The following RUNX2 variants were observed in gnomAD, a reference collection of about 807,000 sequenced individuals.
The protein encoded by RUNX2 is runt-related transcription factor 2.
RUNX2 carries 10 observed loss-of-function variants against 51.7 expected under a neutral mutation model. The ratio of observed to expected loss-of-function variants is 0.19; its 90% CI spans 0.12 to 0.33. The LOEUF is 0.33. RUNX2 is among the 10% of genes least tolerant of loss of function. RUNX2 has a pLI of 1.00. For missense variants in RUNX2, 562 were observed against 691.3 expected, an observed-to-expected ratio of 0.81 and a Z score of 2.10; for synonymous variants, 276 against 273.6, an observed-to-expected ratio of 1.01 and a Z score of -0.09.
At position 45,545,120 on chromosome 6, in the gene RUNX2, C is replaced by A. The variant is rs1802357340; in HGVS notation, c.1022-97C>A. 21 of 984,508 alleles carry A rather than the reference C, an allele frequency of 2.1e-5. 1 individual carries two copies. In the East Asian group the frequency reaches 5.5e-4, roughly 26 times the overall value. 61.0% of individuals were successfully genotyped at this position (984,508 alleles called of 1,614,324 possible). A position where few individuals can be genotyped will look rare whatever the true frequency, so the allele number is the denominator to read the frequency against. The stretch of plus-strand genomic sequence containing the variant: ...GATGGGAACCTCTCTGTCTACCCCT[C>A]CCCTAAGGCTGTTGCTTCTCCTTCT... On this transcript the variant is annotated intron_variant, in intron 7 of 8. Coordinates refer to ENST00000647337, the MANE Select transcript of RUNX2 (RefSeq NM_001024630.4).
At chr6:45,372,491 A>G (rs909777573) in intron 2 of RUNX2, among the ~76,000 whole-genome samples, 1 of 152,216 alleles carries the variant, frequency 6.6e-6, no homozygotes, top group African/African-American at 2.4e-5. Context: ...CAGTCATAAA[A>G]CCACTATAGC....
At chr6:45,470,817 C>T (rs1388970021) in intron 5 of RUNX2, among the ~76,000 whole-genome samples, 2 of 152,164 alleles carry the variant, frequency 1.3e-5, no homozygotes, top group East Asian at 3.9e-4. Flanking sequence ...ACTCTTGTAG[C>T]TCTTATACTT....
intron 5 of RUNX2, among the ~76,000 whole-genome samples, chr6:45,491,311 A>G (rs1365561972): frequency 1.3e-5 from 2 of 152,230 alleles, no homozygotes; most frequent in Non-Finnish European, 2.9e-5. Context: ...GCTTTGGCAT[A>G]TCACAAAATA....
chr6:45,543,696 T>C (rs1582228435), intron 7 of RUNX2, among the ~76,000 whole-genome samples: 1 of 152,120 alleles, frequency 6.6e-6, no homozygotes, highest in Non-Finnish European at 1.5e-5. Context: ...TACAATGTGG[T>C]TGGTGACACA....
intron 2 of RUNX2, among the ~76,000 whole-genome samples, chr6:45,395,744 T>G (rs781469440): frequency 5.3e-5 from 8 of 152,220 alleles, no homozygotes; most frequent in Non-Finnish European, 1.2e-4. Context: ...CTTGGCTCAC[T>G]GCAACCTCCA....
chr6:45,383,226 G>A (rs77189473), intron 2 of RUNX2, among the ~76,000 whole-genome samples: 1 of 152,144 alleles, frequency 6.6e-6, no homozygotes, highest in African/African-American at 2.4e-5. Flanking sequence ...TTTGAGGCCG[G>A]TTCAAGACCA....
intron 7 of RUNX2, among the ~76,000 whole-genome samples, chr6:45,544,124 G>A (rs939405518): frequency 2.0e-5 from 3 of 151,732 alleles, no homozygotes; most frequent in Admixed American, 2.0e-4. Flanking sequence ...CAACATTAGC[G>A]CTCTTTATCA....
intron 8 of RUNX2, among the ~76,000 whole-genome samples, chr6:45,546,189 A>G (rs995966039): frequency 2.0e-5 from 3 of 152,106 alleles, no homozygotes; most frequent in African/African-American, 7.2e-5. Flanking sequence ...CGACTGATCT[A>G]GTAGCTTATG....
chr6:45,433,414 T>C (rs1405795783), intron 4 of RUNX2, among the ~76,000 whole-genome samples: 3 of 152,338 alleles, frequency 2.0e-5, no homozygotes, highest in East Asian at 3.9e-4. Context: ...TTTTTTCTAG[T>C]TAGAATCAAG....
At chr6:45,377,113 G>A (rs1156269842) in intron 2 of RUNX2, among the ~76,000 whole-genome samples, 1 of 152,008 alleles carries the variant, frequency 6.6e-6, no homozygotes, top group Non-Finnish European at 1.5e-5. Context: ...CAGTCATTCT[G>A]AACTCCTAAA....
chr6:45,341,704 G>A (rs907316224), intron 2 of RUNX2, among the ~76,000 whole-genome samples: 3 of 152,158 alleles, frequency 2.0e-5, no homozygotes, highest in Admixed American at 1.3e-4. Context: ...ATAACAGATA[G>A]TTAAAAGTCC....
At chr6:45,407,687 C>T (rs1415682774) in intron 2 of RUNX2, among the ~76,000 whole-genome samples, 2 of 151,638 alleles carry the variant, frequency 1.3e-5, no homozygotes, top group Non-Finnish European at 2.9e-5. Context: ...TTTGTAGAGA[C>T]AGAGGTCTCG....
intron 2 of RUNX2, among the ~76,000 whole-genome samples, chr6:45,366,443 A>G (rs910752448): frequency 1.3e-5 from 2 of 152,236 alleles, no homozygotes; most frequent in African/African-American, 4.8e-5. Flanking sequence ...AATTTAGAGC[A>G]GTACTGATAG....
chr6:45,331,123 G>A (rs927986837), intron 2 of RUNX2, among the ~76,000 whole-genome samples: 1 of 149,762 alleles, frequency 6.7e-6, no homozygotes, highest in Non-Finnish European at 1.5e-5. Flanking sequence ...GTGTGTGTGT[G>A]TGTGCGCGCG....
intron 7 of RUNX2, among the ~76,000 whole-genome samples, chr6:45,515,248 G>A (rs1329615374): frequency 6.6e-6 from 1 of 152,118 alleles, no homozygotes; most frequent in African/African-American, 2.4e-5. Flanking sequence ...CAGTAGGATT[G>A]GATGTTCGGA....
At position 45,366,303 on chromosome 6, in the gene RUNX2, G is replaced by A. The variant is rs745336251; in HGVS notation, c.58+37519G>A. 2.0e-5 allele frequency among the ~76,000 whole-genome samples: 3 copies of A among 152,136 alleles called. No homozygotes were observed. In the South Asian group the frequency reaches 6.2e-4, roughly 31 times the overall value. ...TCAGACTGCCTAGATTTGAATCCCA[G>A]CTCCGCTCCTTTGCTAAGACTTTGG... On this transcript the variant is annotated intron_variant, in intron 2 of 8. Transcript: ENST00000647337.
At chr6:45,496,126 C>T (rs549895084) in intron 6 of RUNX2, among the ~76,000 whole-genome samples, 152 of 152,118 alleles carry the variant, frequency 1.0e-3, no homozygotes, top group Admixed American at 3.4e-3. Context: ...ATTCAGAAAG[C>T]GGCGATAGCA....
Position 45,405,463 on chromosome 6 carries a change from T to C in RUNX2, c.59-17130T>C, listed in dbSNP as rs115256050. ...TTGTGCACATCTCCTTCCAACCCAT[T>C]GTTTGGTGACATCATGCTGGTAGCT... On this transcript the variant is annotated intron_variant, in intron 2 of 8. Coordinates refer to ENST00000647337, the MANE Select transcript of RUNX2 (RefSeq NM_001024630.4). Among the ~76,000 whole-genome samples, 529 of 152,282 alleles carry C rather than the reference T, an allele frequency of 3.5e-3. 5 individuals are homozygous for C. Among genetic ancestry groups the C allele is most frequent in the African/African-American group, 0.012 (501 of 41,560 alleles).
At chr6:45,416,624 A>T (rs1284801144) in intron 2 of RUNX2, among the ~76,000 whole-genome samples, 1 of 152,232 alleles carries the variant, frequency 6.6e-6, no homozygotes, top group Non-Finnish European at 1.5e-5. Context: ...TGCCAACACC[A>T]AAATACCAGA....
Sources: gnomAD v4.1 joint callset for allele counts (sites outside exome capture counted in the v4.1 genomes callset) on GRCh38, gnomAD v4.1.1 for gene constraint, MANE v1.5 for transcripts, NCBI Gene and HGNC (gene_info 2026-07-23, HGNC 2026-07-21) for gene names.